PHACTR1: variants seen among roughly 807,000 people sequenced by gnomAD.
The protein encoded by PHACTR1 is RPEL repeat containing 1.
A neutral mutation model predicts 69.2 loss-of-function variants in PHACTR1; 16 were observed. The observed-to-expected ratio is 0.23, with a 90% confidence interval of 0.16 to 0.35. PHACTR1 has a LOEUF of 0.35. Ranked by LOEUF, PHACTR1 falls within the 10% of genes least tolerant of loss-of-function variation. The probability of loss-of-function intolerance (pLI) is 1.00; values close to 1 mark genes in which losing one functional copy is unlikely to be tolerated. For missense variants in PHACTR1, 510 were observed against 734.7 expected (o/e 0.69, Z 3.54); for synonymous variants, 312 against 284.5 (o/e 1.10, Z -0.97).
intron 7 of PHACTR1, among the ~76,000 whole-genome samples, chr6:13,202,520 C>T (rs138048851): frequency 0.012 from 1,844 of 151,102 alleles, 18 homozygotes; most frequent in Non-Finnish European, 0.016. Context: ...TTCACTCGCC[C>T]AGGCTATAGT....
intron 4 of PHACTR1, among the ~76,000 whole-genome samples, chr6:13,043,269 A>G (rs1429525845): frequency 6.6e-6 from 1 of 152,196 alleles, no homozygotes; most frequent in Non-Finnish European, 1.5e-5. Context: ...TCTACTAAAA[A>G]TACAGAAATT....
chr6:13,271,959 G>C (rs1165523125), intron 10 of PHACTR1, among the ~76,000 whole-genome samples: 1 of 152,186 alleles, frequency 6.6e-6, no homozygotes, highest in Non-Finnish European at 1.5e-5. Flanking sequence ...AGTCTGAGAA[G>C]CCTAAAATTT....
chr6:12,911,785 C>A (rs1446534185), intron 4 of PHACTR1, among the ~76,000 whole-genome samples: 1 of 152,142 alleles, frequency 6.6e-6, no homozygotes, highest in Non-Finnish European at 1.5e-5. Flanking sequence ...TGTACCCTTT[C>A]CAAAGAGCTT....
chr6:13,271,285 C>T (rs1777654935), intron 10 of PHACTR1, among the ~76,000 whole-genome samples: 1 of 152,186 alleles, frequency 6.6e-6, no homozygotes, highest in African/African-American at 2.4e-5. Flanking sequence ...GCTCCCCATC[C>T]AAGCACCTTG....
At chr6:12,933,577 T>C in intron 4 of PHACTR1, 3 of 1,596,906 alleles carry the variant, frequency 1.9e-6, no homozygotes, top group Non-Finnish European at 2.6e-6. Context: ...TTGTTATCTC[T>C]TTGTTATCTG....
chr6:12,761,140 T>C (rs1322754632), intron 4 of PHACTR1, among the ~76,000 whole-genome samples: 4 of 152,212 alleles, frequency 2.6e-5, no homozygotes, highest in African/African-American at 7.2e-5. Context: ...CTAATTTTCA[T>C]TGCTACTTTG....
intron 11 of PHACTR1, among the ~76,000 whole-genome samples, chr6:13,277,687 C>T (rs116078317): frequency 0.1 from 15,282 of 152,242 alleles, 1,044 homozygotes; most frequent in Admixed American, 0.23. Context: ...GTGGCTTGCA[C>T]CTGTAATCCC....
At chr6:12,874,833 A>T (rs1782383761) in intron 4 of PHACTR1, among the ~76,000 whole-genome samples, 1 of 152,202 alleles carries the variant, frequency 6.6e-6, no homozygotes, top group South Asian at 2.1e-4. Context: ...CACCTGAATG[A>T]CTTAACATAT....
intron 5 of PHACTR1, among the ~76,000 whole-genome samples, chr6:13,073,187 A>G (rs1466114258): frequency 2.6e-5 from 4 of 151,130 alleles, no homozygotes; most frequent in Admixed American, 2.6e-4. Context: ...ACCAGAAAAG[A>G]CATAATATTT....
chr6:13,220,950 T>C (rs1451991811), intron 8 of PHACTR1, among the ~76,000 whole-genome samples: 1 of 151,750 alleles, frequency 6.6e-6, no homozygotes, highest in Non-Finnish European at 1.5e-5. Flanking sequence ...GCGTGGGGGG[T>C]AAATGCTTAG....
At chr6:12,899,229 T>A (rs1784964649) in intron 4 of PHACTR1, among the ~76,000 whole-genome samples, 1 of 152,218 alleles carries the variant, frequency 6.6e-6, no homozygotes, top group African/African-American at 2.4e-5. Context: ...TGCCCACACC[T>A]ATCACATGCC....
rs141562566 is a variant in PHACTR1, at chr6:12,757,144, G to A, written c.250+7354G>A. ...GAGCAGGAAGAGGAGAGGATTTCAAGATAGACAACATGGAGGAGAAGGGCT... is the reference window on the plus strand; with the variant it reads ...GAGCAGGAAGAGGAGAGGATTTCAAAATAGACAACATGGAGGAGAAGGGCT... On this transcript the variant is annotated intron_variant, in intron 4 of 14. Coordinates refer to ENST00000332995, the MANE Select transcript of PHACTR1 (RefSeq NM_030948.6). 5.9e-5 allele frequency among the ~76,000 whole-genome samples: 9 copies of A among 152,308 alleles called. No homozygotes were observed. The East Asian group carries it at 1.7e-3, about 29-fold the overall frequency.
intron 4 of PHACTR1, among the ~76,000 whole-genome samples, chr6:12,807,430 G>A (rs903559875): frequency 3.3e-5 from 5 of 152,192 alleles, no homozygotes; most frequent in African/African-American, 1.2e-4. Context: ...TTCACCAAGA[G>A]GGATGCTAGT....
At chr6:13,247,045 A>G (rs1239773540) in intron 10 of PHACTR1, among the ~76,000 whole-genome samples, 1 of 152,150 alleles carries the variant, frequency 6.6e-6, no homozygotes, top group Admixed American at 6.5e-5. Context: ...TCTAAAAGCA[A>G]TTCCTTTGAA....
At chr6:13,177,867 C>T (rs139291716) in intron 6 of PHACTR1, among the ~76,000 whole-genome samples, 1 of 152,336 alleles carries the variant, frequency 6.6e-6, no homozygotes, top group Non-Finnish European at 1.5e-5. Context: ...AAACCTCTGG[C>T]TTCTCCATGA....
chr6:13,244,869 C>T (rs898460005), intron 10 of PHACTR1, among the ~76,000 whole-genome samples: 9 of 152,176 alleles, frequency 5.9e-5, no homozygotes, highest in African/African-American at 1.7e-4. Context: ...AAAGTAAAGA[C>T]AGGCATAGGA....
At chr6:12,765,302 A>G (rs1768471905) in intron 4 of PHACTR1, among the ~76,000 whole-genome samples, 1 of 152,240 alleles carries the variant, frequency 6.6e-6, no homozygotes, top group Admixed American at 6.5e-5. Context: ...AATTTCATCA[A>G]CAACTAAATC....
chr6:13,191,663 C>T (rs1346458450), intron 7 of PHACTR1, among the ~76,000 whole-genome samples: 2 of 152,192 alleles, frequency 1.3e-5, no homozygotes, highest in Non-Finnish European at 2.9e-5. Flanking sequence ...TCTGGACTGG[C>T]TTGTTTCCAT....
intron 5 of PHACTR1, among the ~76,000 whole-genome samples, chr6:13,099,120 C>T (rs1381140351): frequency 2.0e-5 from 3 of 152,318 alleles, no homozygotes; most frequent in Non-Finnish European, 4.4e-5. Flanking sequence ...TGCATGTGAC[C>T]TCGCAGTCTT....
Sources: allele counts gnomAD v4.1 joint callset (sites outside exome capture counted in the v4.1 genomes callset), GRCh38; gene constraint gnomAD v4.1.1; transcripts MANE v1.5; gene names NCBI Gene and HGNC (gene_info 2026-07-23, HGNC 2026-07-21).